ELN: variants seen among roughly 807,000 people sequenced by gnomAD.
ELN encodes tropoelastin.
ELN carries 65 observed loss-of-function variants against 105.8 expected under a neutral mutation model. The observed-to-expected ratio is 0.61, with a 90% CI of 0.50 to 0.75. The LOEUF is 0.75. ELN is among the 30% of genes least tolerant of loss of function. The probability of loss-of-function intolerance (pLI) is 0.00; values close to 1 mark genes in which losing one functional copy is unlikely to be tolerated. For synonymous variants in ELN, 368 were observed against 389.2 expected, an observed-to-expected ratio of 0.95 and a Z score of 0.64; for missense variants, 882 against 969.4, an observed-to-expected ratio of 0.91 and a Z score of 1.20.
At chr7:74,047,835 T>C in intron 13 of ELN, 119 bp downstream of exon 13, 4 of 1,442,204 alleles carry the variant, frequency 2.8e-6, no homozygotes, top group Non-Finnish European at 3.9e-6. Context: ...AGGGTTGGGG[T>C]CTTGGAGTGG....
At chr7:74,041,308 C>T (rs760464776) in intron 5 of ELN, 57 bp downstream of exon 5, 1 of 1,605,322 alleles carries the variant, frequency 6.2e-7, no homozygotes, top group East Asian at 2.2e-5. Context: ...CTGAGCTCAA[C>T]CCAGGGCTGG....
At chr7:74,036,966 G>A (rs777206720) in intron 3 of ELN, among the ~76,000 whole-genome samples, 7 of 151,538 alleles carry the variant, frequency 4.6e-5, no homozygotes, top group Admixed American at 1.3e-4. Context: ...GACTACAGGC[G>A]CGTGCCACCA....
intron 1 of ELN, among the ~76,000 whole-genome samples, chr7:74,031,351 G>A (rs1554662142): frequency 6.6e-6 from 1 of 152,196 alleles, no homozygotes; most frequent in Non-Finnish European, 1.5e-5. Flanking sequence ...AAAGGACCGT[G>A]GGAATGGGCA....
intron 15 of ELN, among the ~76,000 whole-genome samples, chr7:74,051,091 G>A (rs1554675720): frequency 3.9e-5 from 6 of 152,226 alleles, no homozygotes. Context: ...CGTGCAGTGG[G>A]TGGAGTGGGC....
At chr7:74,066,636 A>G in intron 31 of ELN, 96 bp from the exon 32 acceptor site, 1 of 1,158,526 alleles carries the variant, frequency 8.6e-7, no homozygotes. Flanking sequence ...GTGATCCCAG[A>G]CAGAGGTCTT....
rs375276810 is a variant in ELN at position 74,046,782 on chromosome 7, C to T, written c.643+15C>T. On this transcript the variant is annotated intron_variant, in intron 12 of 32. Transcript: ENST00000252034. ...CAAGCTGCCTGGTAAGTCAGAGGGA[C>T]GGTTCAAGATGCACCACTCGGCCGG... 46 of 1,613,704 alleles carry T rather than the reference C, an allele frequency of 2.9e-5. No individual in the cohort carries two copies. Among genetic ancestry groups the T allele is most frequent in the Admixed American group, 8.3e-5 (5 of 59,980 alleles).
rs144245854 is a variant in ELN at position 74,046,715 on chromosome 7, A to G, written c.591A>G (p.Gly197=). The G allele has an allele frequency of 2.5e-6, 4 of 1,614,086 alleles. No individual in the cohort carries two copies. Among genetic ancestry groups the G allele is most frequent in the Admixed American group, 3.3e-5 (2 of 60,014 alleles). Residue 197 remains glycine, a synonymous_variant, in exon 12 of 33, where the codon GGA becomes GGG. Coordinates refer to ENST00000252034, the MANE Select transcript of ELN (RefSeq NM_000501.4). ...AGIPGVGPFG[G]PQPGVPLGYP... Reference sequence around the variant, plus strand: ...CCACAGGAGTTGGACCCTTTGGGGGACCGCAACCTGGAGTCCCACTGGGGT... The same window carrying G: ...CCACAGGAGTTGGACCCTTTGGGGGGCCGCAACCTGGAGTCCCACTGGGGT...
chr7:74,028,218 C>T lies in ELN; in HGVS notation c.31C>T (p.Pro11Ser), dbSNP rs782365678. 7 of 1,611,116 alleles carry T rather than the reference C, an allele frequency of 4.3e-6. No individual in the cohort carries two copies. The South Asian group carries it at 7.7e-5, about 18-fold the overall frequency. The stretch of plus-strand genomic sequence containing the variant: ...GGGTCTGACGGCGGCGGCCCCGCGG[C>T]CCGGAGTCCTCCTGCTCCTGCTGTC... MAGLTAAAPR[P>S]GVLLLLLSIL... The change falls in exon 1 of 33, where the codon CCC becomes TCC. Residue 11 changes from proline to serine, a missense_variant. Coordinates refer to ENST00000252034, the MANE Select transcript of ELN (RefSeq NM_000501.4).
intron 12 of ELN, 77 bp downstream of exon 12, chr7:74,046,844 G>T: frequency 6.5e-7 from 1 of 1,546,052 alleles, no homozygotes; most frequent in Non-Finnish European, 8.9e-7. Flanking sequence ...AGCACTTTGG[G>T]AGGCTAAGGC....
At chr7:74,062,711 T>C (rs931298448) in intron 26 of ELN, among the ~76,000 whole-genome samples, 2 of 152,072 alleles carry the variant, frequency 1.3e-5, no homozygotes, top group Non-Finnish European at 2.9e-5. Context: ...CCACCACGCC[T>C]GGCTAATTTT....
At chr7:74,052,508 C>T (rs1343938412) in intron 17 of ELN, 1 of 195,208 alleles carries the variant, frequency 5.1e-6, no homozygotes, top group African/African-American at 2.3e-5. Context: ...TTGCTTGAGC[C>T]TAGTAGTTCA....
rs199577580 is a variant in ELN at position 74,053,211 on chromosome 7, T to A, written c.998T>A (p.Val333Glu). The change falls in exon 18 of 33, where the codon GTA becomes GAA. Residue 333 changes from valine (V) to glutamate (E), a missense_variant. Transcript: ENST00000252034. ...GGTGGGCCAGGCTTTGGCCCGGGAG[T>A]AGTTGGTGTCCCAGGAGCTGGCGTT... ...VPGGPGFGPG[V>E]VGVPGAGVPG... 2 of 1,613,450 alleles carry A rather than the reference T, an allele frequency of 1.2e-6. No individual in the cohort carries two copies. Among genetic ancestry groups the A allele is most frequent in the Non-Finnish European group, 1.7e-6 (2 of 1,179,896 alleles).
At chr7:74,067,534 G>A (rs1798215423) in intron 32 of ELN, among the ~76,000 whole-genome samples, 1 of 151,662 alleles carries the variant, frequency 6.6e-6, no homozygotes, top group Non-Finnish European at 1.5e-5. Flanking sequence ...CCAAAGTGCT[G>A]GGATTACAGG....
At chr7:74,046,014 G>T in intron 10 of ELN, 174 bp from the exon 11 acceptor site, 1 of 833,008 alleles carries the variant, frequency 1.2e-6, no homozygotes. Flanking sequence ...CAGCCTGGGC[G>T]ACAAGAGCGA....
rs781907312 is a variant in ELN, at chr7:74,053,260, T to C, written c.1047T>C (p.Ala349=). 1 of 1,613,784 alleles carries C rather than the reference T, an allele frequency of 6.2e-7. No homozygotes were observed. The highest frequency in any genetic ancestry group is 1.7e-5 in the Admixed American group (1 of 59,990). ...TTCCAGGTGTTGGTGTCCCAGGAGCTGGGATTCCAGTTGTCCCAGGTGCTG... is the reference window on the plus strand; with the variant it reads ...TTCCAGGTGTTGGTGTCCCAGGAGCCGGGATTCCAGTTGTCCCAGGTGCTG... The part of the protein sequence containing the change: ...AGVPGVGVPG[A]GIPVVPGAGI... Residue 349 remains alanine, a synonymous_variant, in exon 18 of 33, where the codon GCT becomes GCC. Transcript: ENST00000252034.
chr7:74,056,722 C>G lies in ELN; in HGVS notation c.1357+9C>G, dbSNP rs372800803. 6.2e-7 allele frequency: 1 copy of G among 1,613,778 alleles called. No individual in the cohort carries two copies. Among genetic ancestry groups the G allele is most frequent in the African/African-American group, 1.3e-5 (1 of 75,036 alleles). ...CAAGGCTGCCAAGTACGGTAAGTGC[C>G]CCTGCCCTGCCTGTCCCCAAGTCCT... is the stretch of plus-strand genomic sequence containing the variant. On this transcript the variant is annotated intron_variant, in intron 21 of 32. Transcript: ENST00000252034.
chr7:74,062,513 T>C (rs1436363333), intron 26 of ELN, among the ~76,000 whole-genome samples: 1 of 152,128 alleles, frequency 6.6e-6, no homozygotes, highest in Non-Finnish European at 1.5e-5. Flanking sequence ...GCACTCAAAA[T>C]GTTAAGTGCC....
intron 1 of ELN, among the ~76,000 whole-genome samples, chr7:74,030,259 G>C (rs1563744870): frequency 6.6e-6 from 1 of 152,344 alleles, no homozygotes; most frequent in East Asian, 1.9e-4. Flanking sequence ...CCACTCACCT[G>C]GCTGTCCTGG....
rs1563866598 is a variant in ELN at position 74,063,131 on chromosome 7, A to G, written c.1787-22A>G. The G allele has an allele frequency of 6.3e-7, 1 of 1,590,652 alleles. No homozygotes were observed. Among genetic ancestry groups the G allele is most frequent in the Non-Finnish European group, 8.5e-7 (1 of 1,170,750 alleles). On this transcript the variant is annotated intron_variant, in intron 26 of 32. Coordinates refer to ENST00000252034, the MANE Select transcript of ELN (RefSeq NM_000501.4). This position sits in a 1 kb window ranked among gnomAD's most constrained non-coding sequence, Gnocchi z 4.1. Reference sequence around the variant, plus strand: ...CCCATCGTTCAGAAATGGAACACTCATTTTCCCTCCTCTCCCCGCAGGAGC... The same window carrying G: ...CCCATCGTTCAGAAATGGAACACTCGTTTTCCCTCCTCTCCCCGCAGGAGC...
Sources: allele counts gnomAD v4.1 joint callset (sites outside exome capture counted in the v4.1 genomes callset), GRCh38; gene constraint gnomAD v4.1.1; non-coding constraint Gnocchi (gnomAD v3.1); transcripts MANE v1.5; gene names NCBI Gene and HGNC (gene_info 2026-07-23, HGNC 2026-07-21).